CNTNAP2: variants seen among roughly 807,000 people sequenced by gnomAD.
The protein encoded by CNTNAP2 is contactin-associated protein-like 2.
A neutral mutation model predicts 155.2 loss-of-function variants in CNTNAP2; 98 were observed. The observed-to-expected ratio is 0.63, with a 90% confidence interval of 0.54 to 0.75. CNTNAP2 has a LOEUF of 0.75. CNTNAP2 is among the 30% of genes least tolerant of loss of function. The pLI is 0.00. For synonymous variants in CNTNAP2, 651 were observed against 631.2 expected, an observed-to-expected ratio of 1.03 and a Z score of -0.47; for missense variants, 1,727 against 1,688.1, an observed-to-expected ratio of 1.02 and a Z score of -0.40.
chr7:147,528,735 C>T (rs1799375551), intron 11 of CNTNAP2, among the ~76,000 whole-genome samples: 1 of 152,120 alleles, frequency 6.6e-6, no homozygotes, highest in Non-Finnish European at 1.5e-5. Context: ...ATGTGTAATG[C>T]CCAGAAGAAC....
At chr7:146,355,094 A>G (rs1008146526) in intron 1 of CNTNAP2, among the ~76,000 whole-genome samples, 1 of 152,210 alleles carries the variant, frequency 6.6e-6, no homozygotes, top group Non-Finnish European at 1.5e-5. Flanking sequence ...ATGGGTTTGT[A>G]GTTTTAGCTG....
chr7:147,626,812 T>A (rs1274865449), intron 12 of CNTNAP2, among the ~76,000 whole-genome samples: 1 of 151,862 alleles, frequency 6.6e-6, no homozygotes, highest in African/African-American at 2.4e-5. Flanking sequence ...CTAACCAGAG[T>A]TCCTGAGCGT....
rs147450833 is a variant in CNTNAP2 at position 147,530,571 on chromosome 7, T to C, written c.1778-31567T>C. ...GACCCATTAGATCTCATGAGACTTATTGACTACCACAAAAATAGCACAGGA... is the reference window on the plus strand; with the variant it reads ...GACCCATTAGATCTCATGAGACTTACTGACTACCACAAAAATAGCACAGGA... On this transcript the variant is annotated intron_variant, in intron 11 of 23. Coordinates refer to ENST00000361727, the MANE Select transcript of CNTNAP2 (RefSeq NM_014141.6). Among the ~76,000 whole-genome samples, 621 of 152,242 alleles carry C rather than the reference T, an allele frequency of 4.1e-3. 6 individuals are homozygous for C. The highest frequency in any genetic ancestry group is 0.014 in the African/African-American group (585 of 41,538).
chr7:146,652,968 C>T (rs1799941910), intron 1 of CNTNAP2, among the ~76,000 whole-genome samples: 1 of 152,112 alleles, frequency 6.6e-6, no homozygotes, highest in African/African-American at 2.4e-5. Flanking sequence ...AAAAGCCTTT[C>T]CTTTTTAGTC....
At chr7:147,979,612 T>C (rs1801487426) in intron 15 of CNTNAP2, among the ~76,000 whole-genome samples, 1 of 152,226 alleles carries the variant, frequency 6.6e-6, no homozygotes, top group Non-Finnish European at 1.5e-5. Context: ...TTTTCTTGTC[T>C]GTTTTGTTTT....
intron 3 of CNTNAP2, among the ~76,000 whole-genome samples, chr7:146,911,179 G>T (rs1034387904): frequency 2.0e-5 from 3 of 152,032 alleles, no homozygotes; most frequent in African/African-American, 7.3e-5. Context: ...ATGATGTGGA[G>T]AAATAGGAAC....
At chr7:147,652,554 C>T (rs1050242588) in intron 13 of CNTNAP2, among the ~76,000 whole-genome samples, 22 of 152,172 alleles carry the variant, frequency 1.4e-4, no homozygotes, top group Admixed American at 3.9e-4. Flanking sequence ...AGTTGTATAT[C>T]GGAATTTCTA....
intron 15 of CNTNAP2, among the ~76,000 whole-genome samples, chr7:148,045,210 G>A (rs919250517): frequency 2.0e-5 from 3 of 152,104 alleles, no homozygotes; most frequent in South Asian, 2.1e-4. Context: ...TCCTGGACAC[G>A]CAGGCTCCAC....
chr7:146,149,523 A>C lies in CNTNAP2; in HGVS notation c.97+32550A>C, dbSNP rs570789145. Among the ~76,000 whole-genome samples, 210 of 152,232 alleles carry C rather than the reference A, an allele frequency of 1.4e-3. 1 individual carries two copies. Among genetic ancestry groups the C allele is most frequent in the Middle Eastern group, 3.4e-3 (1 of 294 alleles). Reference sequence around the variant, plus strand: ...AGCACAGTGTTAGGCTTACTTTTAAATGACATTATTTAGGATAGTGAGAGG... The same window carrying C: ...AGCACAGTGTTAGGCTTACTTTTAACTGACATTATTTAGGATAGTGAGAGG... On this transcript the variant is annotated intron_variant, in intron 1 of 23. Coordinates refer to ENST00000361727, the MANE Select transcript of CNTNAP2 (RefSeq NM_014141.6).
chr7:147,905,272 C>T (rs1799940538), intron 14 of CNTNAP2, among the ~76,000 whole-genome samples: 1 of 152,162 alleles, frequency 6.6e-6, no homozygotes, highest in Admixed American at 6.5e-5. Context: ...TTCAGCCTCC[C>T]CAACTAGGAG....
rs75824073 is a variant in CNTNAP2 at position 146,689,328 on chromosome 7, T to C, written c.98-84943T>C. On this transcript the variant is annotated intron_variant, in intron 1 of 23. Transcript: ENST00000361727. ...ATTGCCATAAAATGTATTATGCATATTTTATCACATTTGTATTGTTATTAT... is the reference window on the plus strand; with the variant it reads ...ATTGCCATAAAATGTATTATGCATACTTTATCACATTTGTATTGTTATTAT... Among the ~76,000 whole-genome samples, 1,266 of 152,214 alleles carry C rather than the reference T, an allele frequency of 8.3e-3. 23 individuals are homozygous for C. The highest frequency in any genetic ancestry group is 0.028 in the African/African-American group (1,172 of 41,534).
rs1307582415 is a variant in CNTNAP2 at position 147,062,179 on chromosome 7, T to C, written c.550+18125T>C. 2.2e-5 allele frequency among the ~76,000 whole-genome samples: 3 copies of C among 136,518 alleles called. No homozygotes were observed. In the East Asian group the frequency reaches 6.6e-4, roughly 30 times the overall value. 89.6% of individuals were successfully genotyped at this position (136,518 alleles called of 152,430 possible). On this transcript the variant is annotated intron_variant, in intron 4 of 23. Transcript: ENST00000361727. ...AAAAAAAAAAAAAAAAACCAGTTCT[T>C]TATGATATATATAAAATTAAAACCA... is the stretch of plus-strand genomic sequence containing the variant.
intron 15 of CNTNAP2, among the ~76,000 whole-genome samples, chr7:147,978,400 T>C (rs148431053): frequency 4.7e-4 from 72 of 152,256 alleles, no homozygotes; most frequent in African/African-American, 1.7e-3. Flanking sequence ...GCTTAATGTA[T>C]CATTGTAAAC....
At position 146,200,009 on chromosome 7, in the gene CNTNAP2, A is replaced by G. The variant is rs1209064176; in HGVS notation, c.97+83036A>G. Among the ~76,000 whole-genome samples, 10 of 152,316 alleles carry G rather than the reference A, an allele frequency of 6.6e-5. 1 individual carries two copies. The highest frequency in any genetic ancestry group is 1.5e-4 in the Non-Finnish European group (10 of 68,034). ...TCAATGAAGTCCGAAAATTAGTTCTAAGGATATCTCAATTTATGAGTGACA... is the reference window on the plus strand; with the variant it reads ...TCAATGAAGTCCGAAAATTAGTTCTGAGGATATCTCAATTTATGAGTGACA... On this transcript the variant is annotated intron_variant, in intron 1 of 23. Coordinates refer to ENST00000361727, the MANE Select transcript of CNTNAP2 (RefSeq NM_014141.6).
chr7:147,468,614 G>GATCATA (rs1275122435), intron 10 of CNTNAP2, among the ~76,000 whole-genome samples: 1 of 152,126 alleles, frequency 6.6e-6, no homozygotes, highest in African/African-American at 2.4e-5. Context: ...TTAGACATGA[G>GATCATA]ATCATATAGT....
At chr7:147,319,692 A>G (rs1049548047) in intron 9 of CNTNAP2, among the ~76,000 whole-genome samples, 1 of 152,144 alleles carries the variant, frequency 6.6e-6, no homozygotes, top group African/African-American at 2.4e-5. Flanking sequence ...GTAATGTTAA[A>G]TATAGGATTT....
At chr7:147,521,614 A>G (rs1799230167) in intron 11 of CNTNAP2, among the ~76,000 whole-genome samples, 1 of 152,142 alleles carries the variant, frequency 6.6e-6, no homozygotes, top group Admixed American at 6.5e-5. Context: ...TGCTCTGATC[A>G]GGTATTGTTT....
intron 8 of CNTNAP2, among the ~76,000 whole-genome samples, chr7:147,162,400 T>C (rs566404412): frequency 4.2e-4 from 64 of 152,342 alleles, no homozygotes; most frequent in African/African-American, 1.5e-3. Context: ...ATAGTTGTTC[T>C]TCCCTCTGAT....
At chr7:147,082,019 G>A (rs1355910726) in intron 4 of CNTNAP2, 1 of 152,096 alleles carries the variant, frequency 6.6e-6, no homozygotes, top group Non-Finnish European at 1.5e-5. Flanking sequence ...GAAGACTGCA[G>A]TTTAGAATGG....
Sources: allele counts gnomAD v4.1 joint callset (sites outside exome capture counted in the v4.1 genomes callset), GRCh38; gene constraint gnomAD v4.1.1; transcripts MANE v1.5; gene names NCBI Gene and HGNC (gene_info 2026-07-23, HGNC 2026-07-21).